Variants in AUTS2 observed in about 807,000 individuals in gnomAD.
The protein encoded by AUTS2 is autism susceptibility gene 2 protein.
Under a neutral mutation model 112.4 loss-of-function variants are expected in AUTS2, and 17 were observed. The observed-to-expected ratio is 0.15, with a 90% CI of 0.10 to 0.23. The LOEUF is 0.23. AUTS2 is among the 10% of genes least tolerant of loss of function. The pLI, the probability that AUTS2 is intolerant of heterozygous loss-of-function variation, is 1.00. For synonymous variants in AUTS2, 751 were observed against 702.7 expected, an observed-to-expected ratio of 1.07 and a Z score of -1.09; for missense variants, 1,510 against 1,701.6, an observed-to-expected ratio of 0.89 and a Z score of 1.98.
chr7:70,262,191 T>TTTG (rs889244314), intron 4 of AUTS2, among the ~76,000 whole-genome samples: 3 of 152,206 alleles, frequency 2.0e-5, no homozygotes, highest in African/African-American at 4.8e-5. Flanking sequence ...TATGTTTCTT[T>TTTG]TTGTTGTTGT....
chr7:70,685,364 T>C (rs1191266379), intron 5 of AUTS2, among the ~76,000 whole-genome samples: 1 of 149,754 alleles, frequency 6.7e-6, no homozygotes, highest in East Asian at 2.0e-4. Flanking sequence ...ACCCAGCTTC[T>C]CAGGAGGCTG....
At chr7:70,412,494 T>A (rs1562942843) in intron 4 of AUTS2, among the ~76,000 whole-genome samples, 1 of 152,172 alleles carries the variant, frequency 6.6e-6, no homozygotes, top group Admixed American at 6.5e-5. Flanking sequence ...AACACCATAA[T>A]GAAGCTGTTA....
chr7:69,690,304 T>C (rs1338428338), intron 1 of AUTS2, among the ~76,000 whole-genome samples: 1 of 152,218 alleles, frequency 6.6e-6, no homozygotes. Context: ...TCTCTATGTA[T>C]GAATTGCTCT....
intron 5 of AUTS2, among the ~76,000 whole-genome samples, chr7:70,496,975 G>A (rs1194539334): frequency 1.6e-4 from 13 of 81,204 alleles, no homozygotes; most frequent in African/African-American, 5.3e-4. Flanking sequence ...CATCAGCGTC[G>A]ATCACACATC....
At chr7:70,320,823 G>A (rs1433101477) in intron 4 of AUTS2, among the ~76,000 whole-genome samples, 2 of 152,204 alleles carry the variant, frequency 1.3e-5, no homozygotes, top group Non-Finnish European at 2.9e-5. Context: ...AGCAGGGAGA[G>A]GCTGTGCGTT....
intron 4 of AUTS2, among the ~76,000 whole-genome samples, chr7:70,415,676 T>C (rs143692257): frequency 2.2e-3 from 334 of 152,250 alleles, no homozygotes; most frequent in African/African-American, 7.6e-3. Flanking sequence ...AACCCCAACA[T>C]CTCTGCCACT....
intron 3 of AUTS2, among the ~76,000 whole-genome samples, chr7:70,131,834 C>T (rs1233085623): frequency 1.3e-5 from 2 of 151,900 alleles, no homozygotes; most frequent in Non-Finnish European, 2.9e-5. Flanking sequence ...TGGCTGGTAA[C>T]TTCTGTTACC....
intron 2 of AUTS2, among the ~76,000 whole-genome samples, chr7:70,054,196 G>T (rs909392773): frequency 2.6e-5 from 4 of 152,130 alleles, no homozygotes; most frequent in African/African-American, 9.7e-5. Context: ...GCATAGCCAT[G>T]TGTAGCCAGT....
chr7:70,421,953 T>G (rs1458934345), intron 4 of AUTS2, among the ~76,000 whole-genome samples: 1 of 152,206 alleles, frequency 6.6e-6, no homozygotes, highest in Non-Finnish European at 1.5e-5. Flanking sequence ...TACCCTTCCT[T>G]GTTTATGATA....
intron 2 of AUTS2, among the ~76,000 whole-genome samples, chr7:70,021,509 T>C (rs1444924619): frequency 6.6e-6 from 1 of 152,094 alleles, no homozygotes; most frequent in Admixed American, 6.5e-5. Flanking sequence ...CCTGAATTCA[T>C]CACTCCTAAA....
intron 4 of AUTS2, among the ~76,000 whole-genome samples, chr7:70,295,328 C>G (rs1214699623): frequency 6.6e-6 from 1 of 152,156 alleles, no homozygotes; most frequent in Non-Finnish European, 1.5e-5. Flanking sequence ...TGGGCTGTAT[C>G]AATCTGTTAC....
intron 2 of AUTS2, among the ~76,000 whole-genome samples, chr7:69,984,725 T>C (rs1485938615): frequency 1.3e-5 from 2 of 152,128 alleles, no homozygotes; most frequent in Admixed American, 6.5e-5. Context: ...AGTGCCATAG[T>C]TGGTAGCAAA....
chr7:69,660,851 A>G (rs1795755130), intron 1 of AUTS2, among the ~76,000 whole-genome samples: 1 of 152,174 alleles, frequency 6.6e-6, no homozygotes, highest in South Asian at 2.1e-4. Flanking sequence ...AGGGAATGGC[A>G]TGAACCCGGG....
At chr7:69,742,744 A>G (rs1320329792) in intron 1 of AUTS2, among the ~76,000 whole-genome samples, 3 of 152,060 alleles carry the variant, frequency 2.0e-5, no homozygotes, top group African/African-American at 2.4e-5. Context: ...AATACTTCCT[A>G]TTTCTCTGAG....
At chr7:70,717,339 C>A (rs1810437449) in intron 6 of AUTS2, among the ~76,000 whole-genome samples, 2 of 152,128 alleles carry the variant, frequency 1.3e-5, no homozygotes, top group Admixed American at 1.3e-4. Flanking sequence ...TACCACCATA[C>A]CCGGCTAACT....
intron 6 of AUTS2, among the ~76,000 whole-genome samples, chr7:70,741,664 C>G (rs112012405): frequency 6.7e-6 from 1 of 149,866 alleles, no homozygotes; most frequent in Non-Finnish European, 1.5e-5. Flanking sequence ...GCACTCCAGC[C>G]TGAGCAACAA....
At chr7:70,659,637 C>G (rs766696399) in intron 5 of AUTS2, among the ~76,000 whole-genome samples, 35 of 152,162 alleles carry the variant, frequency 2.3e-4, no homozygotes, top group Admixed American at 1.4e-3. Context: ...ATGGACCAGA[C>G]ACTGTTGTGG....
At chr7:70,282,619 C>A (rs1480288958) in intron 4 of AUTS2, among the ~76,000 whole-genome samples, 1 of 152,196 alleles carries the variant, frequency 6.6e-6, no homozygotes, top group Non-Finnish European at 1.5e-5. Context: ...CTAATACCAT[C>A]ACCTTGGTAG....
At chr7:69,845,091 A>T (rs1305407115) in intron 1 of AUTS2, among the ~76,000 whole-genome samples, 1 of 152,146 alleles carries the variant, frequency 6.6e-6, no homozygotes, top group African/African-American at 2.4e-5. Context: ...TCCCTCTGCT[A>T]TTCAAAGTGT....
Sources: gnomAD v4.1 joint callset for allele counts (sites outside exome capture counted in the v4.1 genomes callset) on GRCh38, gnomAD v4.1.1 for gene constraint, MANE v1.5 for transcripts, NCBI Gene and HGNC (gene_info 2026-07-23, HGNC 2026-07-21) for gene names.